RARB: variants seen among roughly 807,000 people sequenced by gnomAD.
RARB encodes the protein retinoic acid receptor beta, also known as HBV-activated protein.
A neutral mutation model predicts 51.9 loss-of-function variants in RARB; 17 were observed. That is an observed-to-expected ratio of 0.33 (90% CI 0.22 to 0.49). The LOEUF is 0.49. Among genes scored for constraint, RARB ranks in the 20% least tolerant of loss-of-function variants. RARB has a pLI of 0.99. For missense variants in RARB, 369 were observed against 550.8 expected, an observed-to-expected ratio of 0.67 and a Z score of 3.30; for synonymous variants, 215 against 195.4, an observed-to-expected ratio of 1.10 and a Z score of -0.84.
intron 3 of RARB, among the ~76,000 whole-genome samples, chr3:25,075,593 T>C (rs957931455): frequency 1.3e-5 from 2 of 151,850 alleles, no homozygotes; most frequent in South Asian, 4.1e-4. Context: ...GGAACTCTGC[T>C]AATTGCTAAG....
chr3:25,451,237 T>C (rs1709182164), intron 1 of RARB, among the ~76,000 whole-genome samples: 2 of 152,230 alleles, frequency 1.3e-5, no homozygotes, highest in Admixed American at 6.5e-5. Context: ...ATTGCAAACG[T>C]TGTCTCTGGT....
chr3:25,252,959 G>A (rs73151265), intron 5 of RARB, among the ~76,000 whole-genome samples: 6,505 of 152,108 alleles, frequency 0.043, 282 homozygotes, highest in African/African-American at 0.11. Context: ...CTCTATGAAG[G>A]GGAGGGTAAT....
intron 5 of RARB, among the ~76,000 whole-genome samples, chr3:25,381,142 G>A (rs1706612132): frequency 6.6e-6 from 1 of 152,154 alleles, no homozygotes; most frequent in Admixed American, 6.5e-5. Flanking sequence ...ATAGGCAAAT[G>A]AGAAACTGTG....
intron 3 of RARB, among the ~76,000 whole-genome samples, chr3:25,128,532 TG>T (rs1346728232): frequency 4.0e-5 from 6 of 151,026 alleles, no homozygotes; most frequent in Non-Finnish European, 7.4e-5. Context: ...TTTGTACTTT[TG>T]GGGACATGGA....
intron 5 of RARB, among the ~76,000 whole-genome samples, chr3:25,344,027 A>AT (rs1705312815): frequency 6.6e-6 from 1 of 152,202 alleles, no homozygotes; most frequent in South Asian, 2.1e-4. Context: ...AATGGAGACC[A>AT]AAGAATTTAT....
At chr3:24,965,439 T>G (rs575076674) in intron 2 of RARB, among the ~76,000 whole-genome samples, 1 of 152,056 alleles carries the variant, frequency 6.6e-6, no homozygotes, top group African/African-American at 2.4e-5. Context: ...GCTTTATGAG[T>G]AAAACAGGGT....
intron 5 of RARB, among the ~76,000 whole-genome samples, chr3:25,261,333 C>G (rs1000819197): frequency 6.6e-6 from 1 of 152,028 alleles, no homozygotes; most frequent in African/African-American, 2.4e-5. Context: ...ATTCCCTTGG[C>G]TCCTAGAACA....
At chr3:25,501,959 A>C (rs1697337156) in intron 3 of RARB, among the ~76,000 whole-genome samples, 1 of 152,264 alleles carries the variant, frequency 6.6e-6, no homozygotes, top group Non-Finnish European at 1.5e-5. Context: ...TTAGTATAAA[A>C]AGAGTATGTG....
chr3:25,270,955 T>C (rs938278813), intron 5 of RARB, among the ~76,000 whole-genome samples: 1 of 152,274 alleles, frequency 6.6e-6, no homozygotes, highest in Non-Finnish European at 1.5e-5. Context: ...CAGGCATTTA[T>C]TCCTGTGTTC....
At chr3:25,067,679 C>A (rs1698689466) in intron 3 of RARB, among the ~76,000 whole-genome samples, 1 of 152,172 alleles carries the variant, frequency 6.6e-6, no homozygotes, top group African/African-American at 2.4e-5. Flanking sequence ...ATAAATCTTC[C>A]TTTGCAAACC....
rs116014795 is a variant in RARB at position 25,221,659 on chromosome 3, G to A, written c.178+47084G>A. Among the ~76,000 whole-genome samples the A allele has an allele frequency of 3.8e-3, 586 of 152,242 alleles. 2 individuals carry two copies. The highest frequency in any genetic ancestry group is 0.014 in the Middle Eastern group (4 of 294). On this transcript the variant is annotated intron_variant, in intron 5 of 11. Transcript: ENST00000383772. ...ATATACCGTTTCTGGCAGTCTTAAA[G>A]AGAAGTCACTTCTCCTCTTCCCTCT...
chr3:25,139,417 A>G (rs542115426), intron 4 of RARB, among the ~76,000 whole-genome samples: 10 of 152,302 alleles, frequency 6.6e-5, no homozygotes, highest in Non-Finnish European at 1.5e-4. Flanking sequence ...TGATACGGAG[A>G]AAGTTTTAGT....
chr3:25,410,119 A>G (rs1478117332), intron 5 of RARB, among the ~76,000 whole-genome samples: 1 of 152,232 alleles, frequency 6.6e-6, no homozygotes, highest in Non-Finnish European at 1.5e-5. Flanking sequence ...TTGGCCAAAC[A>G]GATTCCCTAA....
chr3:24,989,317 T>A (rs1559424431), intron 2 of RARB, among the ~76,000 whole-genome samples: 1 of 152,242 alleles, frequency 6.6e-6, no homozygotes, highest in Non-Finnish European at 1.5e-5. Flanking sequence ...ATCAGGTGTG[T>A]CAGCTAAGTA....
chr3:24,919,661 T>G (rs1450055546), intron 2 of RARB, among the ~76,000 whole-genome samples: 1 of 152,236 alleles, frequency 6.6e-6, no homozygotes, highest in African/African-American at 2.4e-5. Flanking sequence ...TTAGTAGGAT[T>G]TGTCTAAGGT....
intron 2 of RARB, among the ~76,000 whole-genome samples, chr3:25,497,576 A>G (rs1350263597): frequency 6.6e-6 from 1 of 152,220 alleles, no homozygotes; most frequent in South Asian, 2.1e-4. Context: ...GGACCTTCCA[A>G]GTAAACTGCC....
At chr3:24,959,767 G>T (rs1450745424) in intron 2 of RARB, among the ~76,000 whole-genome samples, 1 of 152,190 alleles carries the variant, frequency 6.6e-6, no homozygotes, top group Non-Finnish European at 1.5e-5. Flanking sequence ...AGAAAAGAGA[G>T]GAAGGGAGGC....
chr3:25,262,202 T>A (rs1175930341), intron 5 of RARB, among the ~76,000 whole-genome samples: 3 of 152,106 alleles, frequency 2.0e-5, no homozygotes, highest in Non-Finnish European at 2.9e-5. Context: ...CACCAAAAGG[T>A]CTTTTTCCAA....
chr3:25,490,072 A>G (rs1696653296), intron 2 of RARB, among the ~76,000 whole-genome samples: 1 of 152,120 alleles, frequency 6.6e-6, no homozygotes, highest in Admixed American at 6.5e-5. Flanking sequence ...CATCCAATAA[A>G]TCCCTGTTAT....
Sources: allele counts gnomAD v4.1 joint callset (sites outside exome capture counted in the v4.1 genomes callset), GRCh38; gene constraint gnomAD v4.1.1; transcripts MANE v1.5; gene names NCBI Gene and HGNC (gene_info 2026-07-23, HGNC 2026-07-21).